Variants in TYK2 observed in about 807,000 individuals in gnomAD.
TYK2 encodes tyrosine kinase 2.
A neutral mutation model predicts 130.9 loss-of-function variants in TYK2; 65 were observed. The observed-to-expected ratio is 0.50, with a 90% confidence interval of 0.41 to 0.61. The LOEUF is 0.61. TYK2 is among the 20% of genes least tolerant of loss of function. The pLI is 0.00. For missense variants in TYK2, 1,378 were observed against 1,610.7 expected (o/e 0.86, Z 2.47); for synonymous variants, 647 against 658.9 (o/e 0.98, Z 0.28).
At position 10,354,250 on chromosome 19, in the gene TYK2, CG is replaced by C; in HGVS notation, c.2716-17del. On this transcript the variant is annotated splice_polypyrimidine_tract_variant and intron_variant, in intron 19 of 24. Coordinates refer to ENST00000525621, the MANE Select transcript of TYK2 (RefSeq NM_003331.5). ...CGAAGTGACCCTGGTCGGGAGCGCA[CG>C]AGGGTCAGCTCCACCTCCCCAATCC... 1 of 1,609,030 alleles carries C rather than the reference CG, an allele frequency of 6.2e-7. No individual in the cohort carries two copies. Among genetic ancestry groups the C allele is most frequent in the Non-Finnish European group, 8.5e-7 (1 of 1,179,922 alleles).
At chr19:10,352,197 G>A (rs191387336) in intron 23 of TYK2, among the ~76,000 whole-genome samples, 1 of 151,836 alleles carries the variant, frequency 6.6e-6, no homozygotes, top group African/African-American at 2.4e-5. Flanking sequence ...TCAGTCTCCT[G>A]AGTAGCTGGG....
intron 12 of TYK2, 28 bp downstream of exon 12, chr19:10,362,050 T>G: frequency 6.2e-7 from 1 of 1,613,208 alleles, no homozygotes; most frequent in Non-Finnish European, 8.5e-7. Context: ...GGCCCTGCCC[T>G]TGCCCCGGGC....
At chr19:10,363,508 C>G (rs192443957) in intron 9 of TYK2, among the ~76,000 whole-genome samples, 4 of 152,118 alleles carry the variant, frequency 2.6e-5, no homozygotes, top group African/African-American at 9.7e-5. Context: ...TGACGCCAGA[C>G]GGGCCCTGAC....
chr19:10,368,260 AG>A, intron 4 of TYK2, 34 bp downstream of exon 4: 5 of 1,614,178 alleles, frequency 3.1e-6, no homozygotes. Flanking sequence ...GCTTCAGCAC[AG>A]GAGGGGACGA....
rs1285567005 is a variant in TYK2, at chr19:10,378,402, G to A, written c.5C>T (p.Pro2Leu). ...CCTGGCCATCCCCCAGTGGCGCAGA[G>A]GCATGCTCCCGGCAGGTGGCTCAGC... MPLRHWGMARGS... is the reference protein window; with the variant it reads MLLRHWGMARGS... Residue 2 changes from proline to leucine, a missense_variant, in exon 3 of 25, where the codon CCT becomes CTT. By Grantham distance (98) the Pro-to-Leu change is moderately conservative. Transcript: ENST00000525621. The A allele has an allele frequency of 1.2e-6, 2 of 1,610,058 alleles. No homozygotes were observed. The highest frequency in any genetic ancestry group is 1.7e-6 in the Non-Finnish European group (2 of 1,179,864).
intron 3 of TYK2, among the ~76,000 whole-genome samples, chr19:10,372,476 ATATATATATTTTTT>A (rs2041952347): frequency 1.6e-5 from 1 of 63,692 alleles, no homozygotes; most frequent in South Asian, 5.0e-4. Flanking sequence ...ATATATATAT[ATATATATATTTTTT>A]TTTTTTTTTT....
chr19:10,362,646 A>G lies in TYK2; in HGVS notation c.1379T>C (p.Val460Ala). The G allele has an allele frequency of 1.3e-6, 2 of 1,551,612 alleles. No homozygotes were observed. The highest frequency in any genetic ancestry group is 1.7e-6 in the Non-Finnish European group (2 of 1,146,918). ...GTCCTCGGGCCGCAGCTTGGCCTGC[A>G]CAAATGGCTCCCTGGAAGGTGGTCC... ...GIHGPLLEPF[V>A]QAKLRPEDGL... is the part of the protein sequence containing the mutation. The change falls in exon 10 of 25, where the codon GTG (valine) becomes GCG (alanine). Residue 460 changes from valine (V) to alanine (A), a missense_variant. Transcript: ENST00000525621.
At chr19:10,359,817 A>C (rs769382924) in intron 14 of TYK2, among the ~76,000 whole-genome samples, 2 of 151,930 alleles carry the variant, frequency 1.3e-5, no homozygotes, top group Non-Finnish European at 2.9e-5. Context: ...AACTCTACTA[A>C]AAATACAAAA....
Position 10,350,872 on chromosome 19 carries a change from A to ACTT in TYK2, c.3523_3525dup (p.Lys1175dup). On this transcript the variant is annotated inframe_insertion, in exon 25 of 25. Transcript: ENST00000525621. ...AACACTGAAGGGGCCTGGCCTTGGTACTTCTCATGGACTGTCTTCAGAATG... is the reference window on the plus strand; with the variant it reads ...AACACTGAAGGGGCCTGGCCTTGGTACTTCTTCTCATGGACTGTCTTCAGAATG... 6.2e-7 allele frequency: 1 copy of ACTT among 1,614,022 alleles called. No individual in the cohort carries two copies. Among genetic ancestry groups the ACTT allele is most frequent in the Non-Finnish European group, 8.5e-7 (1 of 1,180,018 alleles).
At position 10,350,878 on chromosome 19, in the gene TYK2, C is replaced by T. The variant is rs1469065798; in HGVS notation, c.3520G>A (p.Glu1174Lys). Reference protein sequence around the residue: ...NLIPILKTVHEKYQGQAPSVF... With the variant: ...NLIPILKTVHKKYQGQAPSVF... The stretch of plus-strand genomic sequence containing the variant: ...GAAGGGGCCTGGCCTTGGTACTTCT[C>T]ATGGACTGTCTTCAGAATGGGTATG... The change falls in exon 25 of 25, where the codon GAG becomes AAG. Residue 1174 changes from glutamate to lysine, a missense_variant. Transcript: ENST00000525621. 1 of 1,614,142 alleles carries T rather than the reference C, an allele frequency of 6.2e-7. No individual in the cohort carries two copies. The highest frequency in any genetic ancestry group is 8.5e-7 in the Non-Finnish European group (1 of 1,180,034).
At position 10,353,617 on chromosome 19, in the gene TYK2, A is replaced by T. The variant is rs749613263; in HGVS notation, c.2938T>A (p.Tyr980Asn). 1 of 1,474,734 alleles carries T rather than the reference A, an allele frequency of 6.8e-7. No homozygotes were observed. Among genetic ancestry groups the T allele is most frequent in the Admixed American group, 2.4e-5 (1 of 41,398 alleles). The allele number at this position is 1,474,734 out of a possible 1,614,324, so 91.4% of individuals were successfully genotyped here. The change falls in exon 21 of 25, where the codon TAC becomes AAC. Residue 980 changes from tyrosine (Y) to asparagine (N), a missense_variant. Coordinates refer to ENST00000525621, the MANE Select transcript of TYK2 (RefSeq NM_003331.5). The surrounding 1 kb of genome is among the most constrained non-coding windows in gnomAD (Gnocchi z 6.9). ...TCTCGGAGGCTGCCCAGGGGCACGT[A>T]CTCCATGACCAGCTGCAGCGACTTC... ...GEKSLQLVME[Y>N]VPLGSLRDYL...
chr19:10,360,339 T>G (rs2041338086), intron 14 of TYK2, among the ~76,000 whole-genome samples: 1 of 151,322 alleles, frequency 6.6e-6, no homozygotes, highest in Admixed American at 6.6e-5. Flanking sequence ...TACAAAAAAT[T>G]TTTAAAAATC....
chr19:10,353,363 G>T lies in TYK2; in HGVS notation c.3027+165C>A. 1 of 587,240 alleles carries T rather than the reference G, an allele frequency of 1.7e-6. No individual in the cohort carries two copies. The highest frequency in any genetic ancestry group is 2.9e-6 in the Non-Finnish European group (1 of 343,216). 36.4% of individuals were successfully genotyped at this position (587,240 alleles called of 1,614,324 possible). Reference sequence around the variant, plus strand: ...GTGCGTGGTCCCTTGGGAGGAGGGGGTGTGGCCAAGCAAGCCAAACAGTTC... The same window carrying T: ...GTGCGTGGTCCCTTGGGAGGAGGGGTTGTGGCCAAGCAAGCCAAACAGTTC... On this transcript the variant is annotated intron_variant, in intron 21 of 24. Transcript: ENST00000525621. The surrounding 1 kb of genome is among the most constrained non-coding windows in gnomAD (Gnocchi z 6.9).
chr19:10,375,389 A>T (rs928241107), intron 3 of TYK2, among the ~76,000 whole-genome samples: 31 of 147,824 alleles, frequency 2.1e-4, no homozygotes, highest in Admixed American at 8.1e-4. Flanking sequence ...AGGCTGAGGC[A>T]GGTGGATCAC....
intron 22 of TYK2, 47 bp downstream of exon 22, chr19:10,352,879 T>C (rs745507381): frequency 1.9e-6 from 3 of 1,542,774 alleles, no homozygotes; most frequent in Admixed American, 3.9e-5. Context: ...ACCCTGCCTG[T>C]TCCAAGTGAC....
Position 10,357,820 on chromosome 19 carries a change from G to A in TYK2, c.2410C>T (p.Leu804Phe). ...TCTCCGTCAAAGCAGATCTCCAGGA[G>A]GGTGGCGCCAAACCCCCACTTGTCC... ...AMDKWGFGATLLEICFDGEAP... is the reference protein window; with the variant it reads ...AMDKWGFGATFLEICFDGEAP... Residue 804 changes from leucine to phenylalanine, a missense_variant, in exon 17 of 25, where the codon CTC becomes TTC. Coordinates refer to ENST00000525621, the MANE Select transcript of TYK2 (RefSeq NM_003331.5). 1 of 1,613,586 alleles carries A rather than the reference G, an allele frequency of 6.2e-7. No individual in the cohort carries two copies. Among genetic ancestry groups the A allele is most frequent in the Non-Finnish European group, 8.5e-7 (1 of 1,179,972 alleles).
chr19:10,362,512 G>A (rs2145222846), intron 10 of TYK2, 37 bp downstream of exon 10: 1 of 1,560,464 alleles, frequency 6.4e-7, no homozygotes, highest in Admixed American at 1.9e-5. Flanking sequence ...CAGGGAACGT[G>A]TCCAGCCCCA....
intron 14 of TYK2, chr19:10,360,936 G>A (rs559555497): frequency 1.1e-4 from 27 of 256,574 alleles, no homozygotes; most frequent in African/African-American, 6.2e-4. Flanking sequence ...TAAATTTTTT[G>A]TAAAGATAGG....
chr19:10,360,509 G>A (rs1568333042), intron 14 of TYK2, among the ~76,000 whole-genome samples: 1 of 151,986 alleles, frequency 6.6e-6, no homozygotes, highest in Non-Finnish European at 1.5e-5. Context: ...CAAAAAAAGA[G>A]ATAAAGGTGA....
Sources: allele counts gnomAD v4.1 joint callset (sites outside exome capture counted in the v4.1 genomes callset), GRCh38; gene constraint gnomAD v4.1.1; non-coding constraint Gnocchi (gnomAD v3.1); transcripts MANE v1.5; gene names NCBI Gene and HGNC (gene_info 2026-07-23, HGNC 2026-07-21).